Variants in AUTS2 observed in about 807,000 individuals in gnomAD.
AUTS2 encodes the protein activator of transcription and developmental regulator AUTS2.
Under a neutral mutation model 112.4 loss-of-function variants are expected in AUTS2, and 17 were observed. The ratio of observed to expected loss-of-function variants is 0.15; its 90% CI spans 0.10 to 0.23. The LOEUF (loss-of-function observed/expected upper bound fraction) is 0.23, where lower values mean the gene tolerates loss of function less well. Among genes scored for constraint, AUTS2 ranks in the 10% least tolerant of loss-of-function variants. The pLI, the probability that AUTS2 is intolerant of heterozygous loss-of-function variation, is 1.00. For missense variants in AUTS2, 1,510 were observed against 1,701.6 expected, an observed-to-expected ratio of 0.89 and a Z score of 1.98; for synonymous variants, 751 against 702.7, an observed-to-expected ratio of 1.07 and a Z score of -1.09.
chr7:69,863,947 G>C (rs957121366), intron 1 of AUTS2, among the ~76,000 whole-genome samples: 7 of 152,174 alleles, frequency 4.6e-5, no homozygotes, highest in African/African-American at 7.2e-5. Context: ...CGTCTCTCAG[G>C]CTTGCAATCT....
chr7:70,168,452 G>A (rs567078500), intron 4 of AUTS2, among the ~76,000 whole-genome samples: 107 of 152,252 alleles, frequency 7.0e-4, no homozygotes, highest in African/African-American at 2.5e-3. Context: ...GAGTAGCTGG[G>A]ACTACAGGCG....
intron 4 of AUTS2, among the ~76,000 whole-genome samples, chr7:70,368,493 T>C (rs1792687107): frequency 6.6e-6 from 1 of 152,162 alleles, no homozygotes; most frequent in Non-Finnish European, 1.5e-5. Flanking sequence ...CAGGATAATT[T>C]AGGTTATGTT....
intron 1 of AUTS2, among the ~76,000 whole-genome samples, chr7:69,623,151 G>A (rs959862288): frequency 6.6e-6 from 1 of 152,082 alleles, no homozygotes; most frequent in African/African-American, 2.4e-5. Context: ...ACTGATTCCT[G>A]GACCCTGTGT....
intron 4 of AUTS2, among the ~76,000 whole-genome samples, chr7:70,331,657 G>A (rs749732579): frequency 1.7e-4 from 26 of 151,760 alleles, no homozygotes; most frequent in Non-Finnish European, 3.4e-4. Context: ...ATGCAAGGCT[G>A]GTTCAACATA....
At chr7:70,523,224 C>T (rs926744655) in intron 5 of AUTS2, among the ~76,000 whole-genome samples, 1 of 152,116 alleles carries the variant, frequency 6.6e-6, no homozygotes, top group African/African-American at 2.4e-5. Flanking sequence ...GGTAATATGG[C>T]CCTAGTGTGT....
At chr7:70,556,473 T>A (rs995255626) in intron 5 of AUTS2, among the ~76,000 whole-genome samples, 1 of 152,226 alleles carries the variant, frequency 6.6e-6, no homozygotes, top group Non-Finnish European at 1.5e-5. Context: ...GGACTGGGAT[T>A]GTCATTGCTG....
intron 4 of AUTS2, among the ~76,000 whole-genome samples, chr7:70,180,589 C>G (rs559628589): frequency 6.6e-6 from 1 of 152,260 alleles, no homozygotes; most frequent in South Asian, 2.1e-4. Context: ...TTGCTTTGCT[C>G]TTAGGCCGGG....
intron 1 of AUTS2, among the ~76,000 whole-genome samples, chr7:69,715,001 T>C (rs1265767595): frequency 6.6e-6 from 1 of 152,056 alleles, no homozygotes. Flanking sequence ...CATGTTTATA[T>C]GACATCTTTC....
chr7:70,544,275 T>C (rs1397353438), intron 5 of AUTS2, among the ~76,000 whole-genome samples: 1 of 152,232 alleles, frequency 6.6e-6, no homozygotes, highest in Non-Finnish European at 1.5e-5. Flanking sequence ...ACCCAAATTA[T>C]GTATGTCTTT....
intron 4 of AUTS2, among the ~76,000 whole-genome samples, chr7:70,306,002 AAACTT>A (rs1307461790): frequency 6.6e-6 from 1 of 152,212 alleles, no homozygotes; most frequent in Non-Finnish European, 1.5e-5. Flanking sequence ...GGAAAAAAAA[AAACTT>A]AAGCTGATGT....
At chr7:69,655,127 G>A (rs1349599276) in intron 1 of AUTS2, among the ~76,000 whole-genome samples, 1 of 152,038 alleles carries the variant, frequency 6.6e-6, no homozygotes, top group Non-Finnish European at 1.5e-5. Flanking sequence ...TTGACCATTT[G>A]GCACTTCACA....
intron 4 of AUTS2, among the ~76,000 whole-genome samples, chr7:70,269,921 TC>T (rs1159648383): frequency 1.3e-5 from 2 of 152,090 alleles, no homozygotes; most frequent in African/African-American, 4.8e-5. Flanking sequence ...TTCCTATAAT[TC>T]CAGTGCTTTG....
At chr7:70,759,084 G>A (rs1260520124) in intron 6 of AUTS2, among the ~76,000 whole-genome samples, 2 of 152,216 alleles carry the variant, frequency 1.3e-5, no homozygotes, top group Admixed American at 1.3e-4. Context: ...ACTCTTTGTA[G>A]CTTTACTAAC....
chr7:70,233,854 C>T (rs916270827), intron 4 of AUTS2, among the ~76,000 whole-genome samples: 1 of 152,230 alleles, frequency 6.6e-6, no homozygotes, highest in Non-Finnish European at 1.5e-5. Flanking sequence ...AAATAAGTGG[C>T]GTTACAGCCC....
At chr7:70,182,131 A>G (rs944863945) in intron 4 of AUTS2, among the ~76,000 whole-genome samples, 1 of 152,186 alleles carries the variant, frequency 6.6e-6, no homozygotes, top group Non-Finnish European at 1.5e-5. Context: ...AGTTTTAATC[A>G]TTACTGTTAT....
At chr7:69,625,354 A>C (rs1037827451) in intron 1 of AUTS2, among the ~76,000 whole-genome samples, 1 of 152,204 alleles carries the variant, frequency 6.6e-6, no homozygotes, top group African/African-American at 2.4e-5. Context: ...TGGCAGTGGC[A>C]GGAAGGATCT....
intron 4 of AUTS2, among the ~76,000 whole-genome samples, chr7:70,392,053 G>C (rs372433302): frequency 2.4e-4 from 37 of 152,184 alleles, no homozygotes; most frequent in East Asian, 9.7e-4. Context: ...CCCATGATTT[G>C]ATTGCCTGAC....
At chr7:69,730,613 G>C (rs896844028) in intron 1 of AUTS2, among the ~76,000 whole-genome samples, 1 of 152,176 alleles carries the variant, frequency 6.6e-6, no homozygotes, top group Non-Finnish European at 1.5e-5. Context: ...CATCTATAAA[G>C]CTGGGATGAG....
At chr7:70,011,150 A>G (rs541029393) in intron 2 of AUTS2, among the ~76,000 whole-genome samples, 1 of 152,332 alleles carries the variant, frequency 6.6e-6, no homozygotes, top group East Asian at 1.9e-4. Flanking sequence ...GACTAAATAA[A>G]GCCTGAGGGG....
Sources: allele counts gnomAD v4.1 joint callset (sites outside exome capture counted in the v4.1 genomes callset), GRCh38; gene constraint gnomAD v4.1.1; transcripts MANE v1.5; gene names NCBI Gene and HGNC (gene_info 2026-07-23, HGNC 2026-07-21).